The following PM20D1 variants were observed in gnomAD, a reference collection of about 807,000 sequenced individuals.
PM20D1 encodes peptidase M20 domain containing 1, also known as N-fatty-acyl-amino acid synthase/hydrolase PM20D1.
A neutral mutation model predicts 53.8 loss-of-function variants in PM20D1; 53 were observed. The observed-to-expected ratio is 0.98, with a 90% CI of 0.79 to 1.24. The LOEUF is 1.24. PM20D1 is among the 50% of genes most tolerant of loss of function. The pLI, the probability that PM20D1 is intolerant of heterozygous loss-of-function variation, is 0.00. For synonymous variants in PM20D1, 239 were observed against 241.3 expected, an observed-to-expected ratio of 0.99 and a Z score of 0.09; for missense variants, 564 against 616.8, an observed-to-expected ratio of 0.91 and a Z score of 0.91.
intron 2 of PM20D1, among the ~76,000 whole-genome samples, chr1:205,847,062 C>T (rs573386256): frequency 2.4e-5 from 3 of 126,426 alleles, no homozygotes; most frequent in South Asian, 6.1e-4. Flanking sequence ...CTCTCACTTA[C>T]ACTCGAGCAC....
chr1:205,831,641 G>A (rs942328096), intron 11 of PM20D1, among the ~76,000 whole-genome samples: 3 of 148,336 alleles, frequency 2.0e-5, no homozygotes, highest in Non-Finnish European at 4.4e-5. Context: ...TCGGCTTACT[G>A]CAACCTCTGC....
At chr1:205,845,601 T>A (rs1370504342) in intron 2 of PM20D1, 44 bp from the exon 3 acceptor site, 1 of 1,520,652 alleles carries the variant, frequency 6.6e-7, no homozygotes. Context: ...GGTTAACAGT[T>A]TCCTTAGGTT....
rs1189500189 is a variant in PM20D1, at chr1:205,847,973, T to A, written c.170-2A>T. 3.1e-6 allele frequency: 5 copies of A among 1,604,588 alleles called. No individual in the cohort carries two copies. The highest frequency in any genetic ancestry group is 1.7e-6 in the Non-Finnish European group (2 of 1,172,710). ...TCACTGTTGGAATCTGGATGGCACC[T>A]GTCAGAGTCAAATAGAGATGAAAGA... On this transcript the variant is annotated splice_acceptor_variant, in intron 1 of 12. Coordinates refer to ENST00000367136, the MANE Select transcript of PM20D1 (RefSeq NM_152491.5). LOFTEE classifies it high-confidence loss of function.
Position 205,828,586 on chromosome 1 carries a change from G to A in PM20D1, c.*34C>T, listed in dbSNP as rs764086388. The A allele has an allele frequency of 1.9e-6, 3 of 1,612,892 alleles. No individual in the cohort carries two copies. The highest frequency in any genetic ancestry group is 2.5e-6 in the Non-Finnish European group (3 of 1,179,576). ...CCCCTTGGGTTAGTCCTGTCCCGGG[G>A]TCGGGCATGCCTAACCCAGCAGGCC... On this transcript the variant is annotated 3_prime_UTR_variant, in exon 13 of 13. Transcript: ENST00000367136.
chr1:205,843,967 G>T (rs901249235), intron 5 of PM20D1, 120 bp downstream of exon 5: 3 of 1,477,520 alleles, frequency 2.0e-6, no homozygotes, highest in Admixed American at 4.3e-5. Context: ...AGATTGGGGC[G>T]ATTAATGCGA....
At chr1:205,841,696 G>A (rs1325247277) in intron 9 of PM20D1, 115 bp downstream of exon 9, 14 of 1,103,868 alleles carry the variant, frequency 1.3e-5, no homozygotes, top group Non-Finnish European at 1.7e-5. Context: ...GCGTGGCTAG[G>A]CTTGGATCCA....
chr1:205,848,410 A>T (rs1255386664), intron 1 of PM20D1, among the ~76,000 whole-genome samples: 1 of 152,156 alleles, frequency 6.6e-6, no homozygotes, highest in Admixed American at 6.5e-5. Context: ...TACATCAATG[A>T]GGCTTGTGTG....
intron 4 of PM20D1, among the ~76,000 whole-genome samples, chr1:205,844,538 C>T (rs149787139): frequency 6.6e-5 from 10 of 152,120 alleles, no homozygotes; most frequent in African/African-American, 9.7e-5. Context: ...TTCCATCACA[C>T]GTATGTTTCT....
chr1:205,840,898 T>G (rs1283133220), intron 9 of PM20D1, among the ~76,000 whole-genome samples: 1 of 152,216 alleles, frequency 6.6e-6, no homozygotes, highest in Non-Finnish European at 1.5e-5. Context: ...TGCTGGCCAG[T>G]GCTCTGCCTG....
intron 12 of PM20D1, chr1:205,830,019 A>T (rs1656523191): frequency 2.6e-6 from 1 of 381,726 alleles, no homozygotes; most frequent in Admixed American, 4.0e-5. Flanking sequence ...AAGGGTACCG[A>T]TTCCACCAGG....
Position 205,842,770 on chromosome 1 carries a change from C to G in PM20D1, c.828-19G>C. On this transcript the variant is annotated intron_variant, in intron 6 of 12. Transcript: ENST00000367136. Reference sequence around the variant, plus strand: ...CTCCAATCTGGAAGAGAAACAGAGTCCTCAAGACTTAGCGAACCCCAGCCA... The same window carrying G: ...CTCCAATCTGGAAGAGAAACAGAGTGCTCAAGACTTAGCGAACCCCAGCCA... 3.1e-6 allele frequency: 5 copies of G among 1,612,808 alleles called. No individual in the cohort carries two copies. Among genetic ancestry groups the G allele is most frequent in the Non-Finnish European group, 4.2e-6 (5 of 1,179,298 alleles).
At position 205,828,103 on chromosome 1, in the gene PM20D1, A is replaced by G. The variant is rs1298009494; in HGVS notation, c.*517T>C. 6.5e-6 allele frequency: 1 copy of G among 153,726 alleles called. No individual in the cohort carries two copies. The highest frequency in any genetic ancestry group is 1.4e-5 in the Non-Finnish European group (1 of 69,176). The allele number at this position is 153,726 out of a possible 1,614,324, so 9.5% of individuals were successfully genotyped here. A position where few individuals can be genotyped will look rare whatever the true frequency, so the allele number is the denominator to read the frequency against. The stretch of plus-strand genomic sequence containing the variant: ...ACAGTTTGGGTAAGTCCAGGTCCAG[A>G]AGTAGAATAAATTGAAGAGTAAGGG... On this transcript the variant is annotated 3_prime_UTR_variant, in exon 13 of 13. Coordinates refer to ENST00000367136, the MANE Select transcript of PM20D1 (RefSeq NM_152491.5).
rs1657092515 is a variant in PM20D1 at position 205,849,920 on chromosome 1, C to G, written c.153G>C (p.Met51Ile). ...CGGGTTCACCTTTCAGCGCCTCTTT[C>G]ATCGCGACGCGTTCCTCTTTGCTGA... ...SQFSKEERVAMKEALKGAIQI... is the reference protein window; with the variant it reads ...SQFSKEERVAIKEALKGAIQI... Residue 51 changes from methionine to isoleucine, a missense_variant, in exon 1 of 13, where the codon ATG becomes ATC. Coordinates refer to ENST00000367136, the MANE Select transcript of PM20D1 (RefSeq NM_152491.5). 1 of 1,612,830 alleles carries G rather than the reference C, an allele frequency of 6.2e-7. No individual in the cohort carries two copies. The highest frequency in any genetic ancestry group is 8.5e-7 in the Non-Finnish European group (1 of 1,179,080).
intron 11 of PM20D1, among the ~76,000 whole-genome samples, chr1:205,831,813 C>CT (rs752183102): frequency 9.5e-4 from 145 of 152,262 alleles, no homozygotes; most frequent in Non-Finnish European, 1.5e-3. Flanking sequence ...CCACCCGCCT[C>CT]TGCCTCCCAA....
intron 7 of PM20D1, among the ~76,000 whole-genome samples, chr1:205,842,442 A>G (rs1380879683): frequency 1.3e-5 from 2 of 152,172 alleles, no homozygotes; most frequent in Non-Finnish European, 2.9e-5. Context: ...AACCTCAAGG[A>G]TAAGTGGGAA....
Position 205,840,312 on chromosome 1 carries a change from G to A in PM20D1, c.1056C>T (p.Ile352=), listed in dbSNP as rs1380401038. Residue 352 remains isoleucine, a synonymous_variant, in exon 10 of 13, where the codon ATC becomes ATT. Coordinates refer to ENST00000367136, the MANE Select transcript of PM20D1 (RefSeq NM_152491.5). ...IFKAGVKFNV[I]PPVAQATVNF... Reference sequence around the variant, plus strand: ...TGACTGTGGCCTGGGCCACTGGGGGGATGACATTGAACTAGAGAGAGAAGC... The same window carrying A: ...TGACTGTGGCCTGGGCCACTGGGGGAATGACATTGAACTAGAGAGAGAAGC... The A allele has an allele frequency of 6.2e-7, 1 of 1,613,846 alleles. No individual in the cohort carries two copies. The highest frequency in any genetic ancestry group is 2.2e-5 in the East Asian group (1 of 44,858).
At chr1:205,837,279 GCCC>G (rs1656704605) in intron 10 of PM20D1, among the ~76,000 whole-genome samples, 1 of 152,160 alleles carries the variant, frequency 6.6e-6, no homozygotes, top group Non-Finnish European at 1.5e-5. Context: ...CTCTTATTGA[GCCC>G]TTTTAGTGAT....
chr1:205,829,379 A>G (rs1443871743), intron 12 of PM20D1, among the ~76,000 whole-genome samples: 1 of 152,082 alleles, frequency 6.6e-6, no homozygotes, highest in Non-Finnish European at 1.5e-5. Context: ...GCCTAGCTAG[A>G]CTATCTCTAA....
At position 205,830,280 on chromosome 1, in the gene PM20D1, C is replaced by T. The variant is rs141881220; in HGVS notation, c.1385G>A (p.Arg462His). The T allele has an allele frequency of 2.6e-5, 41 of 1,586,774 alleles. No individual in the cohort carries two copies. The highest frequency in any genetic ancestry group is 1.9e-4 in the South Asian group (17 of 90,502). The change falls in exon 12 of 13, where the codon CGC becomes CAC. Residue 462 changes from arginine (R) to histidine (H), a missense_variant and splice_region_variant. Arg to His is a conservative substitution (Grantham distance 29). Coordinates refer to ENST00000367136, the MANE Select transcript of PM20D1 (RefSeq NM_152491.5). ...PIYIQPEDFK[R>H]IHGVNEKISV... Reference sequence around the variant, plus strand: ...TGCTGCTCAAACCTGTTCCACTCACCGTTTGAAGTCTTCAGGCTGTATGTA... The same window carrying T: ...TGCTGCTCAAACCTGTTCCACTCACTGTTTGAAGTCTTCAGGCTGTATGTA...
Sources: gnomAD v4.1 joint callset for allele counts (sites outside exome capture counted in the v4.1 genomes callset) on GRCh38, gnomAD v4.1.1 for gene constraint, MANE v1.5 for transcripts, NCBI Gene and HGNC (gene_info 2026-07-23, HGNC 2026-07-21) for gene names.